Variants in TRPC4AP observed in about 807,000 individuals in gnomAD.
TRPC4AP encodes short transient receptor potential channel 4-associated protein.
Under a neutral mutation model 99.0 loss-of-function variants are expected in TRPC4AP, and 45 were observed. The observed-to-expected ratio is 0.45, with a 90% CI of 0.36 to 0.58. TRPC4AP has a LOEUF of 0.58. Among genes scored for constraint, TRPC4AP ranks in the 20% least tolerant of loss-of-function variants. TRPC4AP has a pLI of 0.00. For synonymous variants in TRPC4AP, 408 were observed against 385.8 expected, an observed-to-expected ratio of 1.06 and a Z score of -0.67; for missense variants, 879 against 985.3, an observed-to-expected ratio of 0.89 and a Z score of 1.44.
rs76238959 is a variant in TRPC4AP, at chr20:35,064,927, G to A, written c.414+4369C>T. 3.7e-3 allele frequency among the ~76,000 whole-genome samples: 570 copies of A among 152,246 alleles called. 11 individuals carry two copies. The highest frequency in any genetic ancestry group is 0.013 in the African/African-American group (536 of 41,532). On this transcript the variant is annotated intron_variant, in intron 3 of 18. Coordinates refer to ENST00000252015, the MANE Select transcript of TRPC4AP (RefSeq NM_015638.3). ...AATAATGTTACACCTAACGGTCTTG[G>A]TATACACAAGCTTTATCTCATTTTG...
intron 1 of TRPC4AP, among the ~76,000 whole-genome samples, chr20:35,089,060 G>A (rs2084966191): frequency 6.7e-6 from 1 of 149,338 alleles, no homozygotes; most frequent in Non-Finnish European, 1.5e-5. Context: ...TAAGATACAG[G>A]GTTTCACCAT....
intron 3 of TRPC4AP, among the ~76,000 whole-genome samples, chr20:35,058,528 T>C (rs2145964286): frequency 6.6e-6 from 1 of 152,222 alleles, no homozygotes; most frequent in South Asian, 2.1e-4. Context: ...ATATGGATAA[T>C]TTTAAAAACC....
At position 35,044,696 on chromosome 20, in the gene TRPC4AP, T is replaced by A. The variant is rs766860111; in HGVS notation, c.674A>T (p.Asp225Val). 6.2e-6 allele frequency: 10 copies of A among 1,614,020 alleles called. No individual in the cohort carries two copies. In the Admixed American group the frequency reaches 1.7e-4, roughly 27 times the overall value. Residue 225 changes from aspartate (D) to valine (V), a missense_variant, in exon 7 of 19, where the codon GAT becomes GTT. Transcript: ENST00000252015. Reference protein sequence around the residue: ...LGVKKEMIRLDEVPNLSSLVS... With the variant: ...LGVKKEMIRLVEVPNLSSLVS... ...TAAGGAACTCAGATTGGGGACTTCA[T>A]CTAGTCGGATCATTTCCTACAGAAG...
In TRPC4AP at chr20:35,018,332, C is replaced by T. The variant is rs528068513; in HGVS notation, c.1219-2193G>A. Among the ~76,000 whole-genome samples, 13 of 152,246 alleles carry T rather than the reference C, an allele frequency of 8.5e-5. No homozygotes were observed. In the South Asian group the frequency reaches 1.4e-3, roughly 17 times the overall value. On this transcript the variant is annotated intron_variant, in intron 9 of 18. Coordinates refer to ENST00000252015, the MANE Select transcript of TRPC4AP (RefSeq NM_015638.3). The stretch of plus-strand genomic sequence containing the variant: ...CTTCTCGGCCGGGCATGGTGGCTCA[C>T]GCCTGTTAATCCCAGCACTTTGGGA...
chr20:35,072,876 T>C (rs1440440274), intron 2 of TRPC4AP, among the ~76,000 whole-genome samples: 1 of 152,186 alleles, frequency 6.6e-6, no homozygotes, highest in African/African-American at 2.4e-5. Context: ...CCTCGGGCAA[T>C]ATGGCCATTT....
chr20:35,004,468 G>A lies in TRPC4AP; in HGVS notation c.2039C>T (p.Thr680Met), dbSNP rs759302030. Reference protein sequence around the residue: ...FRLINIIHVQTLTQENVSCLN... With the variant: ...FRLINIIHVQMLTQENVSCLN... ...GCCGGGGCCTCTCACCTGGGTCAGCGTCTGCACGTGGATGATGTTGATGAG... is the reference window on the plus strand; with the variant it reads ...GCCGGGGCCTCTCACCTGGGTCAGCATCTGCACGTGGATGATGTTGATGAG... Residue 680 changes from threonine to methionine, a missense_variant, in exon 17 of 19, where the codon ACG (threonine) becomes ATG (methionine). Thr to Met is a moderately conservative substitution (Grantham distance 81). Around this residue, in one of 3 missense-constraint regions of TRPC4AP, gnomAD observed 224 missense variants for 264.7 expected, o/e 0.85. Transcript: ENST00000252015. The A allele has an allele frequency of 4.5e-5, 73 of 1,613,358 alleles. No homozygotes were observed. Among genetic ancestry groups the A allele is most frequent in the Non-Finnish European group, 6.0e-5 (71 of 1,179,690 alleles).
At chr20:35,082,069 GATA>G (rs1262176762) in intron 1 of TRPC4AP, among the ~76,000 whole-genome samples, 6 of 152,202 alleles carry the variant, frequency 3.9e-5, no homozygotes, top group South Asian at 4.2e-4. Flanking sequence ...TGGCAAACTG[GATA>G]ATGTTAATGA....
At chr20:35,081,615 A>C (rs560269746) in intron 1 of TRPC4AP, among the ~76,000 whole-genome samples, 2 of 152,182 alleles carry the variant, frequency 1.3e-5, no homozygotes, top group Non-Finnish European at 2.9e-5. Flanking sequence ...CTAAAAGTAA[A>C]AGAATGGGAA....
At chr20:35,080,086 TAAATA>T (rs993363623) in intron 1 of TRPC4AP, among the ~76,000 whole-genome samples, 9 of 147,470 alleles carry the variant, frequency 6.1e-5, no homozygotes, top group South Asian at 4.3e-4. Flanking sequence ...AACTGATGAA[TAAATA>T]AAATATAGTA....
rs866153040 is a variant in TRPC4AP at position 35,004,495 on chromosome 20, C to T, written c.2012G>A (p.Arg671His). The T allele has an allele frequency of 8.1e-6, 13 of 1,613,866 alleles. No individual in the cohort carries two copies. Among genetic ancestry groups the T allele is most frequent in the Admixed American group, 1.7e-5 (1 of 59,998 alleles). ...QVPTQMSFLF[R>H]LINIIHVQTL... ...CTGCACGTGGATGATGTTGATGAGG[C>T]GGAAGAGGAAGGACATCTGCGTGGG... Residue 671 changes from arginine (R) to histidine (H), a missense_variant, in exon 17 of 19, where the codon CGC (arginine) becomes CAC (histidine). Arg to His is a conservative substitution (Grantham distance 29). Coordinates refer to ENST00000252015, the MANE Select transcript of TRPC4AP (RefSeq NM_015638.3).
chr20:35,003,021 C>G lies in TRPC4AP; in HGVS notation c.*125G>C. 7.2e-7 allele frequency: 1 copy of G among 1,396,742 alleles called. No homozygotes were observed. The highest frequency in any genetic ancestry group is 9.8e-7 in the Non-Finnish European group (1 of 1,022,576). 86.5% of individuals were successfully genotyped at this position (1,396,742 alleles called of 1,614,324 possible). On this transcript the variant is annotated 3_prime_UTR_variant, in exon 19 of 19. Coordinates refer to ENST00000252015, the MANE Select transcript of TRPC4AP (RefSeq NM_015638.3). ...CTTCTAGGACTTCCCTCCCACCAAG[C>G]CTGTACCCAAAGACCTGGGGCAGGC...
intron 8 of TRPC4AP, among the ~76,000 whole-genome samples, chr20:35,032,780 A>G (rs1465549997): frequency 6.6e-6 from 1 of 152,076 alleles, no homozygotes. Flanking sequence ...CCCTTTGATC[A>G]TATTTTTAAT....
At chr20:35,055,576 C>G (rs992847066) in intron 4 of TRPC4AP, among the ~76,000 whole-genome samples, 5 of 152,202 alleles carry the variant, frequency 3.3e-5, no homozygotes, top group African/African-American at 9.6e-5. Context: ...GGCACAATCA[C>G]AGCTCACTGT....
intron 8 of TRPC4AP, among the ~76,000 whole-genome samples, chr20:35,034,397 C>A (rs1297655142): frequency 6.6e-6 from 1 of 152,048 alleles, no homozygotes; most frequent in Non-Finnish European, 1.5e-5. Context: ...CCATAGAATT[C>A]TTGGCCTCAA....
At chr20:35,014,136 C>G (rs907068098) in intron 10 of TRPC4AP, among the ~76,000 whole-genome samples, 4 of 152,052 alleles carry the variant, frequency 2.6e-5, no homozygotes, top group Admixed American at 2.0e-4. Flanking sequence ...CGGGTGTGAG[C>G]CACCATGCCC....
At chr20:35,048,274 T>TA (rs1458251749) in intron 6 of TRPC4AP, among the ~76,000 whole-genome samples, 1 of 147,246 alleles carries the variant, frequency 6.8e-6, no homozygotes, top group Non-Finnish European at 1.5e-5. Context: ...TGCAGTGACA[T>TA]AATCTTGGCT....
chr20:35,084,318 A>G (rs185948201), intron 1 of TRPC4AP, among the ~76,000 whole-genome samples: 1 of 152,074 alleles, frequency 6.6e-6, no homozygotes, highest in Admixed American at 6.6e-5. Context: ...AGGATGCATT[A>G]TACCTGACTT....
intron 7 of TRPC4AP, among the ~76,000 whole-genome samples, chr20:35,036,954 C>T (rs980197161): frequency 6.6e-6 from 1 of 151,624 alleles, no homozygotes; most frequent in Non-Finnish European, 1.5e-5. Context: ...AACGCGTGCG[C>T]ACACAAACAC....
At chr20:35,028,229 A>C (rs1243010295) in intron 8 of TRPC4AP, among the ~76,000 whole-genome samples, 1 of 144,046 alleles carries the variant, frequency 6.9e-6, no homozygotes, top group African/African-American at 2.5e-5. Context: ...TTTTTGATGG[A>C]ATCTCACTCT....
Sources: gnomAD v4.1 joint callset for allele counts (sites outside exome capture counted in the v4.1 genomes callset) on GRCh38, gnomAD v4.1.1 for gene constraint, gnomAD v4.1.1 regional missense constraint, MANE v1.5 for transcripts, NCBI Gene and HGNC (gene_info 2026-07-23, HGNC 2026-07-21) for gene names.